Variants in USP37 observed in about 807,000 individuals in gnomAD.
USP37 encodes ubiquitin specific peptidase 37.
In USP37, 27 loss-of-function variants were observed where a neutral mutation model predicts 124.0. The ratio of observed to expected loss-of-function variants is 0.22; its 90% confidence interval spans 0.16 to 0.30. The LOEUF (loss-of-function observed/expected upper bound fraction) is 0.30, where lower values mean the gene tolerates loss of function less well. Among genes scored for constraint, USP37 ranks in the 10% least tolerant of loss-of-function variants. USP37 has a pLI of 1.00. For missense variants in USP37, 889 were observed against 1,140.4 expected (o/e 0.78, Z 3.17); for synonymous variants, 365 against 388.0 (o/e 0.94, Z 0.70).
chr2:218,509,361 T>C (rs920054302), intron 11 of USP37, among the ~76,000 whole-genome samples: 1 of 152,172 alleles, frequency 6.6e-6, no homozygotes, highest in Non-Finnish European at 1.5e-5. Flanking sequence ...TTAATATATC[T>C]ATCTCAAAGA....
intron 10 of USP37, among the ~76,000 whole-genome samples, chr2:218,519,668 CCTCTGTCCCAGG>C (rs1370103605): frequency 6.6e-6 from 1 of 151,692 alleles, no homozygotes; most frequent in Non-Finnish European, 1.5e-5. Context: ...ACACAGTCTC[CCTCTGTCCCAGG>C]CTGGAGTGCA....
chr2:218,483,199 A>T (rs1218747943), intron 16 of USP37, among the ~76,000 whole-genome samples: 1 of 152,224 alleles, frequency 6.6e-6, no homozygotes, highest in African/African-American at 2.4e-5. Flanking sequence ...TATTTTAACT[A>T]GAATTTCAAA....
intron 6 of USP37, among the ~76,000 whole-genome samples, chr2:218,548,496 A>G (rs1169039747): frequency 2.6e-5 from 3 of 115,224 alleles, no homozygotes; most frequent in African/African-American, 1.0e-4. Flanking sequence ...GCACACCACC[A>G]TGCCCAACTA....
intron 11 of USP37, chr2:218,500,920 A>C: frequency 6.0e-6 from 1 of 166,146 alleles, no homozygotes. Flanking sequence ...GGTTTGCGAC[A>C]GACACACATG....
In USP37 at chr2:218,453,584, C is replaced by T. The variant is rs1047972528; in HGVS notation, c.*1346G>A. ...AATTATTTTGTGGACAGAATTCCAT[C>T]CTCAAAAGAATTCTTTATATGGTTT... On this transcript the variant is annotated 3_prime_UTR_variant, in exon 26 of 26. Coordinates refer to ENST00000258399, the MANE Select transcript of USP37 (RefSeq NM_020935.3). 1 of 152,150 alleles carries T rather than the reference C, an allele frequency of 6.6e-6. No individual in the cohort carries two copies. Among genetic ancestry groups the T allele is most frequent in the African/African-American group, 2.4e-5 (1 of 41,430 alleles). 9.4% of individuals were successfully genotyped at this position (152,150 alleles called of 1,614,324 possible). A position where few individuals can be genotyped will look rare whatever the true frequency, so the allele number is the denominator to read the frequency against.
intron 10 of USP37, among the ~76,000 whole-genome samples, chr2:218,524,401 A>G (rs1690836522): frequency 1.3e-5 from 2 of 152,064 alleles, no homozygotes; most frequent in Admixed American, 6.5e-5. Context: ...CTCCACTCCC[A>G]GCCATCTTTA....
At chr2:218,485,341 A>G (rs1451580198) in intron 16 of USP37, among the ~76,000 whole-genome samples, 1 of 151,792 alleles carries the variant, frequency 6.6e-6, no homozygotes, top group East Asian at 1.9e-4. Flanking sequence ...TTTTGTAGAG[A>G]TGGGGTTTCC....
chr2:218,557,895 T>C (rs369817932), intron 4 of USP37, among the ~76,000 whole-genome samples: 1 of 114,732 alleles, frequency 8.7e-6, no homozygotes, highest in Non-Finnish European at 1.7e-5. Context: ...CATGTCATTG[T>C]ATTCCAGCCT....
intron 4 of USP37, among the ~76,000 whole-genome samples, chr2:218,557,930 C>CCA (rs1401271714): frequency 2.8e-5 from 1 of 35,668 alleles, no homozygotes; most frequent in Non-Finnish European, 5.3e-5. Context: ...GACTCTGTCT[C>CCA]AAAAAAAAAA....
intron 4 of USP37, among the ~76,000 whole-genome samples, chr2:218,557,551 G>A (rs541190359): frequency 6.6e-6 from 1 of 151,236 alleles, no homozygotes; most frequent in African/African-American, 2.4e-5. Context: ...CCTAAGATCA[G>A]GTTCTGAAGC....
At chr2:218,538,139 T>C (rs759545701) in intron 8 of USP37, among the ~76,000 whole-genome samples, 1 of 152,352 alleles carries the variant, frequency 6.6e-6, no homozygotes, top group South Asian at 2.1e-4. Context: ...GCCTGATTAA[T>C]GGATAGGTCA....
At chr2:218,463,486 A>T (rs73074851) in intron 21 of USP37, 120 bp from the exon 22 acceptor site, 26 of 601,354 alleles carry the variant, frequency 4.3e-5, no homozygotes, top group Non-Finnish European at 5.1e-5. Flanking sequence ...AACCTTATGG[A>T]TGTTTGGAAT....
intron 15 of USP37, among the ~76,000 whole-genome samples, chr2:218,486,586 C>T (rs1691573176): frequency 6.6e-6 from 1 of 152,114 alleles, no homozygotes; most frequent in African/African-American, 2.4e-5. Context: ...CCATACCTGG[C>T]CAACTTTTGC....
At chr2:218,477,092 GA>G (rs1230807105) in intron 18 of USP37, 111 bp from the exon 19 acceptor site, 16 of 1,211,300 alleles carry the variant, frequency 1.3e-5, no homozygotes, top group Admixed American at 3.6e-5. Context: ...TTACTTAACA[GA>G]AAAAAAAGAT....
chr2:218,535,949 G>C (rs1259537319), intron 8 of USP37, among the ~76,000 whole-genome samples: 1 of 140,516 alleles, frequency 7.1e-6, no homozygotes, highest in Non-Finnish European at 1.5e-5. Context: ...CCCAGAGGCA[G>C]AGGTTGCAGT....
At chr2:218,499,820 TGTC>T (rs1689275464) in intron 11 of USP37, among the ~76,000 whole-genome samples, 1 of 152,194 alleles carries the variant, frequency 6.6e-6, no homozygotes, top group South Asian at 2.1e-4. Context: ...CTTGCTCTGT[TGTC>T]CTGGCTGGAG....
chr2:218,549,186 C>T (rs1160035894), intron 6 of USP37, among the ~76,000 whole-genome samples: 1 of 152,002 alleles, frequency 6.6e-6, no homozygotes, highest in African/African-American at 2.4e-5. Flanking sequence ...TCAAATTGTA[C>T]TTTAAATATA....
At chr2:218,516,494 AACACATGG>A (rs1690289584) in intron 10 of USP37, among the ~76,000 whole-genome samples, 1 of 151,948 alleles carries the variant, frequency 6.6e-6, no homozygotes, top group African/African-American at 2.4e-5. Flanking sequence ...GAGCAATGAG[AACACATGG>A]ACACATGGAG....
intron 11 of USP37, among the ~76,000 whole-genome samples, chr2:218,503,219 C>T (rs748133562): frequency 3.5e-4 from 53 of 152,172 alleles, no homozygotes; most frequent in Non-Finnish European, 7.6e-4. Context: ...CAGATCTACA[C>T]AAAAGAAGAG....
Sources: allele counts gnomAD v4.1 joint callset (sites outside exome capture counted in the v4.1 genomes callset), GRCh38; gene constraint gnomAD v4.1.1; transcripts MANE v1.5; gene names NCBI Gene and HGNC (gene_info 2026-07-23, HGNC 2026-07-21).